The following FRMD4A variants were observed in gnomAD, a reference collection of about 807,000 sequenced individuals.
The protein encoded by FRMD4A is FERM domain containing 4A.
Under a neutral mutation model 129.1 loss-of-function variants are expected in FRMD4A, and 29 were observed. The ratio of observed to expected loss-of-function variants is 0.22; its 90% confidence interval spans 0.17 to 0.31. The LOEUF (loss-of-function observed/expected upper bound fraction) is 0.31, where lower values mean the gene tolerates loss of function less well. Ranked by LOEUF, FRMD4A falls within the 10% of genes least tolerant of loss-of-function variation. FRMD4A has a pLI of 1.00. For synonymous variants in FRMD4A, 634 were observed against 571.6 expected, an observed-to-expected ratio of 1.11 and a Z score of -1.56; for missense variants, 1,272 against 1,375.8, an observed-to-expected ratio of 0.92 and a Z score of 1.19.
chr10:13,693,873 G>A (rs201752453), intron 15 of FRMD4A, 25 bp downstream of exon 15: 380 of 1,607,112 alleles, frequency 2.4e-4, no homozygotes, highest in African/African-American at 1.0e-3. Flanking sequence ...CTCAGGGGGC[G>A]TCCCTCCAGC....
At chr10:14,106,064 T>C (rs1837571891) in intron 2 of FRMD4A, among the ~76,000 whole-genome samples, 1 of 152,226 alleles carries the variant, frequency 6.6e-6, no homozygotes, top group African/African-American at 2.4e-5. Context: ...TATCATTTAT[T>C]AGTTAGAATA....
chr10:13,749,263 G>A (rs145771582), intron 8 of FRMD4A, among the ~76,000 whole-genome samples: 1,606 of 152,232 alleles, frequency 0.011, 11 homozygotes, highest in African/African-American at 0.026. Flanking sequence ...TAGCAGCTTC[G>A]AGGTTGCTTA....
At chr10:14,077,011 T>A (rs1192077820) in intron 2 of FRMD4A, among the ~76,000 whole-genome samples, 5 of 152,124 alleles carry the variant, frequency 3.3e-5, no homozygotes, top group Non-Finnish European at 7.3e-5. Context: ...ACAGAGAAGA[T>A]AGCTCTTGGG....
At chr10:14,194,631 A>C (rs370585920) in intron 2 of FRMD4A, among the ~76,000 whole-genome samples, 13 of 152,236 alleles carry the variant, frequency 8.5e-5, no homozygotes, top group East Asian at 1.9e-4. Flanking sequence ...ACAACAACAA[A>C]AAACCAAGGA....
At chr10:14,036,764 T>C (rs1430734808) in intron 2 of FRMD4A, among the ~76,000 whole-genome samples, 1 of 152,132 alleles carries the variant, frequency 6.6e-6, no homozygotes, top group Non-Finnish European at 1.5e-5. Flanking sequence ...TTTTGTATTT[T>C]TAGTAGAGAT....
intron 2 of FRMD4A, among the ~76,000 whole-genome samples, chr10:14,121,999 T>C (rs952589283): frequency 1.1e-4 from 16 of 152,228 alleles, no homozygotes; most frequent in Admixed American, 1.3e-4. Context: ...AATGGTTTTC[T>C]ACTAGCATTA....
chr10:13,693,538 G>A (rs2085921014), intron 15 of FRMD4A: 1 of 1,194,946 alleles, frequency 8.4e-7, no homozygotes, highest in African/African-American at 1.6e-5. Flanking sequence ...CAACACACAA[G>A]TGGGCACATG....
intron 16 of FRMD4A, among the ~76,000 whole-genome samples, chr10:13,674,120 A>G (rs993674782): frequency 1.3e-5 from 2 of 152,220 alleles, no homozygotes; most frequent in Admixed American, 6.5e-5. Context: ...TTAAAATGAA[A>G]AAGCTAAACA....
intron 2 of FRMD4A, among the ~76,000 whole-genome samples, chr10:14,315,035 A>G (rs1387883389): frequency 2.7e-5 from 4 of 149,948 alleles, no homozygotes; most frequent in Non-Finnish European, 4.4e-5. Context: ...GAAAGTTTCT[A>G]CTCTCTTTAT....
At chr10:13,785,966 G>A (rs2092848256) in intron 5 of FRMD4A, among the ~76,000 whole-genome samples, 1 of 152,106 alleles carries the variant, frequency 6.6e-6, no homozygotes, top group South Asian at 2.1e-4. Flanking sequence ...CTTTTTTGTG[G>A]CCGCATAGTA....
At chr10:14,049,019 G>T (rs1834131133) in intron 2 of FRMD4A, among the ~76,000 whole-genome samples, 1 of 152,166 alleles carries the variant, frequency 6.6e-6, no homozygotes. Flanking sequence ...AAGGATTGCA[G>T]CCACCAGAGT....
chr10:14,258,855 T>C (rs552665639), intron 2 of FRMD4A, among the ~76,000 whole-genome samples: 2 of 152,232 alleles, frequency 1.3e-5, no homozygotes, highest in Admixed American at 6.5e-5. Flanking sequence ...CATGTGACAA[T>C]ATGGATGAAT....
chr10:14,191,279 A>C (rs1842308618), intron 2 of FRMD4A, among the ~76,000 whole-genome samples: 1 of 152,196 alleles, frequency 6.6e-6, no homozygotes, highest in Non-Finnish European at 1.5e-5. Context: ...TCCCAAACAG[A>C]AAGGGTCTTC....
intron 2 of FRMD4A, chr10:13,866,269 G>C (rs2094366051): frequency 1.0e-6 from 1 of 979,330 alleles, no homozygotes; most frequent in South Asian, 4.7e-5. Context: ...ACCGCTGACA[G>C]CACGTCTTCC....
rs138943864 is a variant in FRMD4A at position 13,788,588 on chromosome 10, A to G, written c.300-5582T>C. On this transcript the variant is annotated intron_variant, in intron 5 of 24. Transcript: ENST00000357447. The stretch of plus-strand genomic sequence containing the variant: ...CATTTTAAACGGGTTTTGGGGGCAC[A>G]CTTAGCAGGACTGAATCTTAGGGCA... Among the ~76,000 whole-genome samples, 929 of 152,280 alleles carry G rather than the reference A, an allele frequency of 6.1e-3. 13 individuals carry two copies. Among genetic ancestry groups the G allele is most frequent in the African/African-American group, 0.022 (897 of 41,560 alleles).
intron 2 of FRMD4A, among the ~76,000 whole-genome samples, chr10:14,037,254 T>A (rs536393284): frequency 6.6e-6 from 1 of 152,372 alleles, no homozygotes; most frequent in South Asian, 2.1e-4. Context: ...TTCTTTACTT[T>A]TTTTGAAACA....
At chr10:13,855,562 T>C (rs558214419) in intron 3 of FRMD4A, among the ~76,000 whole-genome samples, 1 of 152,294 alleles carries the variant, frequency 6.6e-6, no homozygotes, top group African/African-American at 2.4e-5. Context: ...CCCATCCCCA[T>C]TTCTACAGCT....
chr10:13,693,519 T>G, intron 15 of FRMD4A: 8 of 1,176,764 alleles, frequency 6.8e-6, no homozygotes, highest in Non-Finnish European at 8.5e-6. Flanking sequence ...CACCAGATCC[T>G]GAAATTCACA....
At chr10:14,268,484 T>C (rs1325599471) in intron 2 of FRMD4A, among the ~76,000 whole-genome samples, 1 of 152,244 alleles carries the variant, frequency 6.6e-6, no homozygotes, top group Non-Finnish European at 1.5e-5. Flanking sequence ...AGTGCAAATG[T>C]AATATATTGT....
Sources: allele counts gnomAD v4.1 joint callset (sites outside exome capture counted in the v4.1 genomes callset), GRCh38; gene constraint gnomAD v4.1.1; transcripts MANE v1.5; gene names NCBI Gene and HGNC (gene_info 2026-07-23, HGNC 2026-07-21).